The following LHFPL3 variants were observed in gnomAD, a reference collection of about 807,000 sequenced individuals.
The protein encoded by LHFPL3 is LHFPL tetraspan subfamily member 3.
In LHFPL3, 5 loss-of-function variants were observed where a neutral mutation model predicts 19.3. The observed-to-expected ratio is 0.26, with a 90% CI of 0.14 to 0.54. The LOEUF (loss-of-function observed/expected upper bound fraction) is 0.54. Among genes scored for constraint, LHFPL3 ranks in the 20% least tolerant of loss-of-function variants. LHFPL3 has a pLI of 0.94. For missense variants in LHFPL3, 249 were observed against 307.4 expected (o/e 0.81, Z 1.42); for synonymous variants, 133 against 126.2 (o/e 1.05, Z -0.36).
chr7:104,859,272 A>C (rs1791569521), intron 2 of LHFPL3, among the ~76,000 whole-genome samples: 1 of 151,824 alleles, frequency 6.6e-6, no homozygotes, highest in African/African-American at 2.4e-5. Context: ...GTCTCAAAAA[A>C]AAAAAAACAA....
At chr7:104,334,606 C>T (rs902625109) in intron 1 of LHFPL3, among the ~76,000 whole-genome samples, 1 of 152,120 alleles carries the variant, frequency 6.6e-6, no homozygotes, top group Non-Finnish European at 1.5e-5. Flanking sequence ...CTTTGAAAGC[C>T]GTGATACTCA....
intron 1 of LHFPL3, among the ~76,000 whole-genome samples, chr7:104,503,708 C>T (rs1793644394): frequency 1.3e-5 from 2 of 151,906 alleles, no homozygotes; most frequent in Admixed American, 6.6e-5. Context: ...TAGCTGGAAC[C>T]ACAGGTGCGC....
Position 104,736,954 on chromosome 7 carries a change from C to A in LHFPL3, c.682+43C>A, listed in dbSNP as rs1562977328. 12 of 1,453,412 alleles carry A rather than the reference C, an allele frequency of 8.3e-6. No homozygotes were observed. In the Admixed American group the frequency reaches 1.2e-4, roughly 15 times the overall value. 90.0% of individuals were successfully genotyped at this position (1,453,412 alleles called of 1,614,324 possible). ...AACTCTTACCTGGATGCCTCAAGCA[C>A]AAAAAAATGGTGCTCTCCATTCTTT... On this transcript the variant is annotated intron_variant, in intron 2 of 2. Transcript: ENST00000424859.
At chr7:104,429,218 T>TA (rs1325466668) in intron 1 of LHFPL3, among the ~76,000 whole-genome samples, 2 of 145,250 alleles carry the variant, frequency 1.4e-5, no homozygotes, top group Non-Finnish European at 3.0e-5. Context: ...AAAAACAGCA[T>TA]AAAAAATACC....
intron 1 of LHFPL3, among the ~76,000 whole-genome samples, chr7:104,633,696 G>A (rs755533142): frequency 1.4e-4 from 21 of 152,166 alleles, no homozygotes; most frequent in Non-Finnish European, 2.6e-4. Flanking sequence ...TTGTTGCTAT[G>A]TCACGTAATT....
chr7:104,504,253 A>T (rs548368847), intron 1 of LHFPL3, among the ~76,000 whole-genome samples: 27 of 152,338 alleles, frequency 1.8e-4, no homozygotes, highest in Non-Finnish European at 3.5e-4. Context: ...GTTGTCCTTA[A>T]CCCTTAGCTA....
Position 104,614,653 on chromosome 7 carries a change from C to T in LHFPL3, c.446-122022C>T, listed in dbSNP as rs11309046. Reference sequence around the variant, plus strand: ...CTTCTCTTCTCTTCTCTTCTCTTCTCTCCTTCCTTCCTTCCTTCCTTCCTT... The same window carrying T: ...CTTCTCTTCTCTTCTCTTCTCTTCTTTCCTTCCTTCCTTCCTTCCTTCCTT... On this transcript the variant is annotated intron_variant, in intron 1 of 2. Coordinates refer to ENST00000424859, the MANE Select transcript of LHFPL3 (RefSeq NM_199000.3). Among the ~76,000 whole-genome samples the T allele has an allele frequency of 1.4e-3, 74 of 51,486 alleles. 2 individuals are homozygous for T. Among genetic ancestry groups the T allele is most frequent in the South Asian group, 3.5e-3 (3 of 850 alleles). 33.8% of individuals were successfully genotyped at this position (51,486 alleles called of 152,430 possible). A position where few individuals can be genotyped will look rare whatever the true frequency, so the allele number is the denominator to read the frequency against.
At chr7:104,329,363 G>A in intron 1 of LHFPL3, 139 bp downstream of exon 1, 1 of 1,153,076 alleles carries the variant, frequency 8.7e-7, no homozygotes, top group Non-Finnish European at 1.2e-6. Flanking sequence ...GAGGTGTGGG[G>A]GGCGGGAGCC....
rs142879748 is a variant in LHFPL3, at chr7:104,334,392, C to A, written c.445+5168C>A. 9.2e-3 allele frequency among the ~76,000 whole-genome samples: 1,407 copies of A among 152,186 alleles called. 79 individuals carry two copies. In the East Asian group the frequency reaches 0.17, roughly 19 times the overall value. On this transcript the variant is annotated intron_variant, in intron 1 of 2. Coordinates refer to ENST00000424859, the MANE Select transcript of LHFPL3 (RefSeq NM_199000.3). ...TGAAACCTTGTCTCTACTGAAAATA[C>A]AAAAACTAGCCAGGTATGGTGGCGT...
intron 2 of LHFPL3, among the ~76,000 whole-genome samples, chr7:104,810,206 G>A (rs1790438589): frequency 6.6e-6 from 1 of 152,224 alleles, no homozygotes; most frequent in Admixed American, 6.5e-5. Flanking sequence ...GCCAAAGGTA[G>A]TAGCCAGAGG....
At chr7:104,438,549 A>T (rs558436255) in intron 1 of LHFPL3, among the ~76,000 whole-genome samples, 3 of 152,224 alleles carry the variant, frequency 2.0e-5, no homozygotes, top group Non-Finnish European at 4.4e-5. Flanking sequence ...TGATAATGAA[A>T]ATACAACATA....
At position 104,331,431 on chromosome 7, in the gene LHFPL3, AG is replaced by A. The variant is rs375823648; in HGVS notation, c.445+2208del. Among the ~76,000 whole-genome samples the A allele has an allele frequency of 5.2e-3, 789 of 152,324 alleles. 6 individuals are homozygous for A. Among genetic ancestry groups the A allele is most frequent in the African/African-American group, 0.018 (747 of 41,580 alleles). ...GGCATTTTATTTCTAGGTAAACTAT[AG>A]TACATGATTTTGTTCATTAGTGAAG... is the stretch of plus-strand genomic sequence containing the variant. On this transcript the variant is annotated intron_variant, in intron 1 of 2. Transcript: ENST00000424859.
intron 2 of LHFPL3, among the ~76,000 whole-genome samples, chr7:104,839,866 T>C (rs568334693): frequency 5.4e-4 from 82 of 152,206 alleles, no homozygotes; most frequent in Non-Finnish European, 1.0e-3. Flanking sequence ...GGAAGCAGTA[T>C]GGTGGGGTGG....
intron 1 of LHFPL3, among the ~76,000 whole-genome samples, chr7:104,557,351 G>A (rs1789865458): frequency 6.6e-6 from 1 of 152,218 alleles, no homozygotes; most frequent in African/African-American, 2.4e-5. Context: ...AGAAGGCAAG[G>A]AGGATCAAGT....
chr7:104,611,256 C>A (rs1039511557), intron 1 of LHFPL3, among the ~76,000 whole-genome samples: 2 of 152,166 alleles, frequency 1.3e-5, no homozygotes, highest in Admixed American at 6.5e-5. Context: ...ATGAAGGATA[C>A]ACTATTGTTA....
At chr7:104,439,681 A>G (rs187866415) in intron 1 of LHFPL3, among the ~76,000 whole-genome samples, 24 of 152,264 alleles carry the variant, frequency 1.6e-4, no homozygotes, top group Admixed American at 4.6e-4. Context: ...ACTAGGAAAA[A>G]AGTGAACTTA....
At chr7:104,787,932 G>T (rs1789951551) in intron 2 of LHFPL3, among the ~76,000 whole-genome samples, 1 of 152,096 alleles carries the variant, frequency 6.6e-6, no homozygotes, top group South Asian at 2.1e-4. Context: ...TCATGTTGGG[G>T]GTTAGGTTTT....
At chr7:104,475,551 C>T (rs1232466017) in intron 1 of LHFPL3, among the ~76,000 whole-genome samples, 1 of 152,136 alleles carries the variant, frequency 6.6e-6, no homozygotes, top group Non-Finnish European at 1.5e-5. Context: ...CTTAACACTA[C>T]TGAACTGTAT....
At chr7:104,846,089 C>G (rs982118434) in intron 2 of LHFPL3, among the ~76,000 whole-genome samples, 18 of 152,206 alleles carry the variant, frequency 1.2e-4, no homozygotes, top group African/African-American at 3.6e-4. Context: ...GATATGGACT[C>G]TAGTGGCCCT....
Sources: allele counts gnomAD v4.1 joint callset (sites outside exome capture counted in the v4.1 genomes callset), GRCh38; gene constraint gnomAD v4.1.1; transcripts MANE v1.5; gene names NCBI Gene and HGNC (gene_info 2026-07-23, HGNC 2026-07-21).